DLG1: variants seen among roughly 807,000 people sequenced by gnomAD.
DLG1 encodes discs large MAGUK scaffold protein 1.
Under a neutral mutation model 123.4 loss-of-function variants are expected in DLG1, and 42 were observed. The ratio of observed to expected loss-of-function variants is 0.34; its 90% confidence interval spans 0.27 to 0.44. The LOEUF (loss-of-function observed/expected upper bound fraction) is 0.44, where lower values mean the gene tolerates loss of function less well. Among genes scored for constraint, DLG1 ranks in the 20% least tolerant of loss-of-function variants. The probability of loss-of-function intolerance (pLI) is 1.00; values close to 1 mark genes in which losing one functional copy is unlikely to be tolerated. For missense variants in DLG1, 942 were observed against 1,082.6 expected (o/e 0.87, Z 1.82); for synonymous variants, 317 against 356.2 (o/e 0.89, Z 1.24).
intron 12 of DLG1, among the ~76,000 whole-genome samples, chr3:197,117,476 G>A (rs183807071): frequency 6.6e-6 from 1 of 152,316 alleles, no homozygotes; most frequent in African/African-American, 2.4e-5. Context: ...TGGCATATAT[G>A]TATAATTGAA....
At chr3:197,118,593 G>T (rs1033684252) in intron 12 of DLG1, among the ~76,000 whole-genome samples, 1 of 152,108 alleles carries the variant, frequency 6.6e-6, no homozygotes, top group Non-Finnish European at 1.5e-5. Flanking sequence ...ACATTACTTA[G>T]TACACATTTT....
chr3:197,247,190 G>C (rs751079307), intron 4 of DLG1, among the ~76,000 whole-genome samples: 1 of 152,268 alleles, frequency 6.6e-6, no homozygotes, highest in East Asian at 1.9e-4. Flanking sequence ...TAGAGGTGGA[G>C]GGGAAAGGGA....
Position 197,293,365 on chromosome 3 carries a change from T to A in DLG1, c.151+2981A>T, listed in dbSNP as rs115022761. On this transcript the variant is annotated intron_variant, in intron 3 of 24. Coordinates refer to ENST00000667157, the MANE Select transcript of DLG1 (RefSeq NM_001366207.1). ...AAATCTTTAAGCCATCCTTCAAAGA[T>A]ACTACCAAGTATCTATCAGCACTAG... Among the ~76,000 whole-genome samples, 1,281 of 152,374 alleles carry A rather than the reference T, an allele frequency of 8.4e-3. 18 individuals carry two copies. The highest frequency in any genetic ancestry group is 0.028 in the African/African-American group (1,165 of 41,586).
At chr3:197,277,313 G>A (rs552728358) in intron 4 of DLG1, among the ~76,000 whole-genome samples, 2 of 151,224 alleles carry the variant, frequency 1.3e-5, no homozygotes, top group East Asian at 3.9e-4. Context: ...ATTAAATCAG[G>A]AAATTCCTCC....
chr3:197,244,924 C>G (rs1750864856), intron 4 of DLG1, among the ~76,000 whole-genome samples: 1 of 152,248 alleles, frequency 6.6e-6, no homozygotes, highest in Non-Finnish European at 1.5e-5. Flanking sequence ...TCTTGAGAAA[C>G]TGACTTTTAG....
intron 13 of DLG1, among the ~76,000 whole-genome samples, chr3:197,109,537 A>G (rs764358217): frequency 1.1e-4 from 16 of 152,240 alleles, no homozygotes; most frequent in Non-Finnish European, 2.2e-4. Flanking sequence ...AGAGTTGCAT[A>G]TAAAACAATA....
At chr3:197,102,859 A>C (rs1405621239) in intron 14 of DLG1, among the ~76,000 whole-genome samples, 5 of 152,222 alleles carry the variant, frequency 3.3e-5, no homozygotes, top group Non-Finnish European at 7.3e-5. Context: ...CTCCATCTTA[A>C]AACAAACAAA....
rs911287515 is a variant in DLG1, at chr3:197,112,587, TTTTC to T, written c.1443+3336_1443+3339del. Among the ~76,000 whole-genome samples the T allele has an allele frequency of 8.5e-5, 13 of 152,094 alleles. 1 individual carries two copies. Among genetic ancestry groups the T allele is most frequent in the African/African-American group, 2.9e-4 (12 of 41,456 alleles). Reference sequence around the variant, plus strand: ...ACTGTGTGGCTTGCCTATTTGGTTTTTTTCTTTCTTTTTTTTTGAGACAGGGTGT... The same window carrying T: ...ACTGTGTGGCTTGCCTATTTGGTTTTTTTCTTTTTTTTTGAGACAGGGTGT... On this transcript the variant is annotated intron_variant, in intron 13 of 24. Coordinates refer to ENST00000667157, the MANE Select transcript of DLG1 (RefSeq NM_001366207.1).
intron 7 of DLG1, 92 bp from the exon 8 acceptor site, chr3:197,140,356 T>C (rs777233796): frequency 6.2e-6 from 8 of 1,289,818 alleles, no homozygotes; most frequent in Non-Finnish European, 8.7e-6. Context: ...TGTACTAACA[T>C]AAGGAACACA....
intron 5 of DLG1, among the ~76,000 whole-genome samples, chr3:197,174,369 T>C (rs552734801): frequency 6.6e-6 from 1 of 152,240 alleles, no homozygotes; most frequent in Admixed American, 6.5e-5. Flanking sequence ...AAACAAGATA[T>C]ACATATGGAA....
At chr3:197,085,071 A>T (rs1753528301) in intron 16 of DLG1, among the ~76,000 whole-genome samples, 1 of 151,786 alleles carries the variant, frequency 6.6e-6, no homozygotes, top group Admixed American at 6.6e-5. Flanking sequence ...TACAGGAATG[A>T]GCCACCGTGC....
intron 4 of DLG1, among the ~76,000 whole-genome samples, chr3:197,227,913 AG>A: frequency 6.6e-6 from 1 of 152,348 alleles, no homozygotes; most frequent in Middle Eastern, 3.4e-3. Flanking sequence ...AACTGTAACT[AG>A]GGCAAGAAAA....
At chr3:197,123,221 T>C (rs904572959) in intron 11 of DLG1, among the ~76,000 whole-genome samples, 1 of 152,118 alleles carries the variant, frequency 6.6e-6, no homozygotes, top group Non-Finnish European at 1.5e-5. Context: ...GACCTAAGGA[T>C]AGGAAAAATT....
intron 4 of DLG1, among the ~76,000 whole-genome samples, chr3:197,277,008 C>T (rs572078838): frequency 1.8e-4 from 27 of 151,454 alleles, no homozygotes; most frequent in African/African-American, 5.6e-4. Context: ...CTTCCCACCT[C>T]AGCCTCCTGA....
chr3:197,285,043 A>C (rs76393545), intron 3 of DLG1, among the ~76,000 whole-genome samples: 58 of 148,832 alleles, frequency 3.9e-4, no homozygotes, highest in African/African-American at 1.3e-3. Flanking sequence ...AAAAAAAAAA[A>C]AAAACTGGAA....
intron 6 of DLG1, among the ~76,000 whole-genome samples, chr3:197,147,478 A>C (rs1037836645): frequency 8.0e-5 from 12 of 150,550 alleles, no homozygotes; most frequent in Admixed American, 4.0e-4. Context: ...ACACCATGGA[A>C]TACTACTCAG....
chr3:197,270,818 T>C (rs2151039100), intron 4 of DLG1, among the ~76,000 whole-genome samples: 1 of 152,296 alleles, frequency 6.6e-6, no homozygotes, highest in South Asian at 2.1e-4. Context: ...ACACTGTGTA[T>C]CACTGTGAGG....
At chr3:197,193,699 G>A (rs1212661683) in intron 5 of DLG1, among the ~76,000 whole-genome samples, 3 of 152,152 alleles carry the variant, frequency 2.0e-5, no homozygotes, top group African/African-American at 4.8e-5. Flanking sequence ...ATTAGCAATC[G>A]AAATATATGG....
intron 5 of DLG1, chr3:197,183,690 G>A (rs542825782): frequency 5.2e-6 from 8 of 1,550,524 alleles, no homozygotes; most frequent in Middle Eastern, 1.7e-4. Context: ...TTCATCTGAC[G>A]AGCCCTTTTT....
Sources: gnomAD v4.1 joint callset for allele counts (sites outside exome capture counted in the v4.1 genomes callset) on GRCh38, gnomAD v4.1.1 for gene constraint, MANE v1.5 for transcripts, NCBI Gene and HGNC (gene_info 2026-07-23, HGNC 2026-07-21) for gene names.